The following NELL1 variants were observed in gnomAD, a reference collection of about 807,000 sequenced individuals.
NELL1 encodes the protein neural EGFL like 1.
In NELL1, 76 loss-of-function variants were observed where a neutral mutation model predicts 107.4. The observed-to-expected ratio is 0.71, with a 90% confidence interval of 0.59 to 0.86. NELL1 has a LOEUF of 0.86. Ranked by LOEUF, NELL1 falls within the 40% of genes least tolerant of loss-of-function variation. The pLI is 0.00. For missense variants in NELL1, 1,024 were observed against 1,005.5 expected (o/e 1.02, Z -0.25); for synonymous variants, 353 against 341.2 (o/e 1.03, Z -0.38).
At chr11:21,367,543 G>A (rs763448922) in intron 14 of NELL1, among the ~76,000 whole-genome samples, 1 of 152,050 alleles carries the variant, frequency 6.6e-6, no homozygotes, top group Non-Finnish European at 1.5e-5. Context: ...AGCATCTTTA[G>A]AATCTAGAAC....
At chr11:21,550,702 G>A (rs371421077) in intron 16 of NELL1, among the ~76,000 whole-genome samples, 1 of 151,856 alleles carries the variant, frequency 6.6e-6, no homozygotes, top group African/African-American at 2.4e-5. Flanking sequence ...TGATCTATAT[G>A]TCTGTTTTGG....
chr11:21,216,516 G>A (rs536690155), intron 13 of NELL1, among the ~76,000 whole-genome samples: 1 of 152,302 alleles, frequency 6.6e-6, no homozygotes, highest in East Asian at 1.9e-4. Flanking sequence ...GCTGTACCTT[G>A]CAAAGCCACA....
chr11:20,927,204 A>G lies in NELL1; in HGVS notation c.760-104A>G, dbSNP rs909756062. 7 of 1,089,212 alleles carry G rather than the reference A, an allele frequency of 6.4e-6. No individual in the cohort carries two copies. The Admixed American group carries it at 1.1e-4, about 17-fold the overall frequency. The allele number at this position is 1,089,212 out of a possible 1,614,324, so 67.5% of individuals were successfully genotyped here. ...TAAGAATCAGTGAACTGCTCTGAGCATTTTTTTCTCTTCTCAGAAGGATTT... is the reference window on the plus strand; with the variant it reads ...TAAGAATCAGTGAACTGCTCTGAGCGTTTTTTTCTCTTCTCAGAAGGATTT... On this transcript the variant is annotated intron_variant, in intron 7 of 19. Coordinates refer to ENST00000357134, the MANE Select transcript of NELL1 (RefSeq NM_006157.5).
chr11:20,743,062 A>C (rs1194561552), intron 2 of NELL1, among the ~76,000 whole-genome samples: 1 of 152,140 alleles, frequency 6.6e-6, no homozygotes, highest in African/African-American at 2.4e-5. Flanking sequence ...TATTAAATCC[A>C]GTGACTCTGG....
chr11:20,690,362 C>T (rs1854430069), intron 2 of NELL1, among the ~76,000 whole-genome samples: 2 of 152,218 alleles, frequency 1.3e-5, no homozygotes, highest in African/African-American at 4.8e-5. Context: ...TTGCCCATGC[C>T]TATGTCCTGA....
At chr11:21,366,791 G>A (rs1590872977) in intron 14 of NELL1, among the ~76,000 whole-genome samples, 1 of 152,048 alleles carries the variant, frequency 6.6e-6, no homozygotes, top group Admixed American at 6.6e-5. Flanking sequence ...TCTAACAGAT[G>A]GTGTTGAAAT....
chr11:21,106,441 A>C (rs1854971528), intron 12 of NELL1, among the ~76,000 whole-genome samples: 1 of 152,096 alleles, frequency 6.6e-6, no homozygotes, highest in Non-Finnish European at 1.5e-5. Context: ...TTCTTATCAC[A>C]CCTTCCTGGT....
intron 12 of NELL1, among the ~76,000 whole-genome samples, chr11:21,066,128 A>G (rs1397580426): frequency 3.3e-5 from 5 of 152,198 alleles, no homozygotes; most frequent in South Asian, 2.1e-4. Context: ...ATGAAACAAA[A>G]GGCTTTTCAG....
chr11:21,139,386 AG>A (rs1468993559), intron 13 of NELL1, among the ~76,000 whole-genome samples: 4 of 152,254 alleles, frequency 2.6e-5, no homozygotes, highest in Admixed American at 2.6e-4. Flanking sequence ...TACTTCCTTC[AG>A]GCCTCTGGCA....
intron 15 of NELL1, among the ~76,000 whole-genome samples, chr11:21,433,495 A>G (rs1178309953): frequency 1.3e-5 from 2 of 152,166 alleles, no homozygotes; most frequent in African/African-American, 4.8e-5. Flanking sequence ...ATTTGCACCA[A>G]CAGTGTGTAT....
In NELL1 at chr11:21,555,249, T is replaced by C. The variant is rs1380627150; in HGVS notation, c.1787-4940T>C. ...ATAGGATGAAGAGGGCAATATTATA[T>C]TCCAGAAGGGTCACAGAGAGAGCTC... is the stretch of plus-strand genomic sequence containing the variant. On this transcript the variant is annotated intron_variant, in intron 16 of 19. Transcript: ENST00000357134. Among the ~76,000 whole-genome samples, 4 of 151,888 alleles carry C rather than the reference T, an allele frequency of 2.6e-5. No homozygotes were observed. The East Asian group carries it at 7.8e-4, about 30-fold the overall frequency.
chr11:21,549,065 T>A (rs1352705343), intron 16 of NELL1, among the ~76,000 whole-genome samples: 2 of 151,818 alleles, frequency 1.3e-5, no homozygotes, highest in African/African-American at 4.8e-5. Flanking sequence ...AAATATATTC[T>A]ATACTAATAC....
At chr11:20,977,291 G>A (rs1020963442) in intron 12 of NELL1, among the ~76,000 whole-genome samples, 1 of 145,282 alleles carries the variant, frequency 6.9e-6, no homozygotes, top group African/African-American at 2.6e-5. Context: ...TTGAGACAGA[G>A]TCTCGCTCTG....
chr11:21,408,267 T>G (rs1852283091), intron 15 of NELL1, among the ~76,000 whole-genome samples: 1 of 152,054 alleles, frequency 6.6e-6, no homozygotes, highest in Non-Finnish European at 1.5e-5. Flanking sequence ...TAGGAGCTTC[T>G]AACTACTCCC....
chr11:20,945,212 C>G (rs1850937835), intron 10 of NELL1, among the ~76,000 whole-genome samples: 1 of 152,062 alleles, frequency 6.6e-6, no homozygotes, highest in South Asian at 2.1e-4. Flanking sequence ...GTGGGGGATG[C>G]CAGATGGAGA....
At chr11:21,162,763 G>T (rs151186304) in intron 13 of NELL1, among the ~76,000 whole-genome samples, 2,836 of 152,212 alleles carry the variant, frequency 0.019, 35 homozygotes, top group Middle Eastern at 0.048. Flanking sequence ...GACTGTTTAT[G>T]TATTTGCCAC....
At chr11:21,518,390 A>G (rs925243160) in intron 15 of NELL1, among the ~76,000 whole-genome samples, 1 of 152,124 alleles carries the variant, frequency 6.6e-6, no homozygotes, top group African/African-American at 2.4e-5. Context: ...TCCTTGTTTC[A>G]TTTGGAGGTG....
At chr11:21,210,425 G>C (rs1008110157) in intron 13 of NELL1, among the ~76,000 whole-genome samples, 27 of 152,178 alleles carry the variant, frequency 1.8e-4, no homozygotes, top group African/African-American at 6.0e-4. Context: ...AGGCATTCTA[G>C]TGGGTGTGAA....
At chr11:21,316,145 A>G (rs1849876560) in intron 14 of NELL1, among the ~76,000 whole-genome samples, 1 of 152,022 alleles carries the variant, frequency 6.6e-6, no homozygotes, top group Admixed American at 6.6e-5. Context: ...CCTTTGTGTC[A>G]TCCACAGCTT....
Sources: allele counts gnomAD v4.1 joint callset (sites outside exome capture counted in the v4.1 genomes callset), GRCh38; gene constraint gnomAD v4.1.1; transcripts MANE v1.5; gene names NCBI Gene and HGNC (gene_info 2026-07-23, HGNC 2026-07-21).